CFAP77: variants seen among roughly 807,000 people sequenced by gnomAD.
CFAP77 encodes cilia and flagella associated protein 77, also known as cilia- and flagella-associated protein 77.
CFAP77 carries 25 observed loss-of-function variants against 31.1 expected under a neutral mutation model. That is an observed-to-expected ratio of 0.80 (90% CI 0.59 to 1.12). The LOEUF (loss-of-function observed/expected upper bound fraction) is 1.12. CFAP77 is among the 50% of genes most tolerant of loss of function. The probability of loss-of-function intolerance (pLI) is 0.00; values close to 1 mark genes in which losing one functional copy is unlikely to be tolerated. For synonymous variants in CFAP77, 151 were observed against 159.9 expected (o/e 0.94, Z 0.42); for missense variants, 377 against 397.3 (o/e 0.95, Z 0.44).
chr9:132,495,233 A>G lies in CFAP77; in HGVS notation c.196-3462A>G, dbSNP rs960054405. Among the ~76,000 whole-genome samples the G allele has an allele frequency of 4.0e-5, 6 of 151,346 alleles. No individual in the cohort carries two copies. In the East Asian group the frequency reaches 1.2e-3, roughly 29 times the overall value. Reference sequence around the variant, plus strand: ...CTTCCACATGTTTCAGCAGTTATTGATTCCCAGGCAACCACACTAAAAAGC... The same window carrying G: ...CTTCCACATGTTTCAGCAGTTATTGGTTCCCAGGCAACCACACTAAAAAGC... On this transcript the variant is annotated intron_variant, in intron 1 of 5. Transcript: ENST00000393216. The surrounding 1 kb of genome is among the most constrained non-coding windows in gnomAD (Gnocchi z 4.2).
chr9:132,432,495 C>A (rs1286787565), intron 1 of CFAP77, among the ~76,000 whole-genome samples: 1 of 151,600 alleles, frequency 6.6e-6, no homozygotes, highest in Non-Finnish European at 1.5e-5. Flanking sequence ...GCTGCATAAC[C>A]TCAGATAGCA....
chr9:132,422,025 T>TTTTTTTTTTA (rs1850224796), intron 1 of CFAP77, among the ~76,000 whole-genome samples: 1 of 152,068 alleles, frequency 6.6e-6, no homozygotes, highest in African/African-American at 2.4e-5. Flanking sequence ...TTTTTTTTTT[T>TTTTTTTTTTA]GAGACGGAGT....
intron 3 of CFAP77, among the ~76,000 whole-genome samples, chr9:132,526,208 T>C (rs548244455): frequency 6.6e-6 from 1 of 151,936 alleles, no homozygotes; most frequent in Non-Finnish European, 1.5e-5. Flanking sequence ...CTGGTAAGTA[T>C]GTGTTTAGTT....
Position 132,468,473 on chromosome 9 carries a change from C to T in CFAP77, c.196-30222C>T, listed in dbSNP as rs1051564923. Among the ~76,000 whole-genome samples the T allele has an allele frequency of 4.6e-5, 7 of 152,326 alleles. No individual in the cohort carries two copies. In the Middle Eastern group the frequency reaches 0.014, roughly 296 times the overall value. On this transcript the variant is annotated intron_variant, in intron 1 of 5. Coordinates refer to ENST00000393216, the MANE Select transcript of CFAP77 (RefSeq NM_001282957.2). ...GGAATAGGGAACCTCCCATGCCCCA[C>T]CTGCCAGCCCCTGCCCTGGGCCCAC...
At chr9:132,488,323 T>C (rs476259) in intron 1 of CFAP77, among the ~76,000 whole-genome samples, 30,441 of 152,062 alleles carry the variant, frequency 0.2, 3,719 homozygotes, top group African/African-American at 0.34. Context: ...TGGAATAAGA[T>C]CCAGTTCAAG....
intron 1 of CFAP77, among the ~76,000 whole-genome samples, chr9:132,427,231 T>C (rs1414958786): frequency 6.6e-6 from 1 of 152,208 alleles, no homozygotes; most frequent in Non-Finnish European, 1.5e-5. Context: ...TTTTGTTTCC[T>C]GCAATGAGGT....
rs1564223140 is a variant in CFAP77 at position 132,486,045 on chromosome 9, TG to T, written c.196-12649del. ...ATATATATATATATATATATATGTA[TG>T]TATATGTATGTGTGTGTGTGTATAT... On this transcript the variant is annotated intron_variant, in intron 1 of 5. Coordinates refer to ENST00000393216, the MANE Select transcript of CFAP77 (RefSeq NM_001282957.2). 1.0e-3 allele frequency among the ~76,000 whole-genome samples: 66 copies of T among 63,268 alleles called. 8 individuals carry two copies. Among genetic ancestry groups the T allele is most frequent in the Non-Finnish European group, 1.3e-3 (53 of 39,874 alleles). 41.5% of individuals were successfully genotyped at this position (63,268 alleles called of 152,430 possible). A position where few individuals can be genotyped will look rare whatever the true frequency, so the allele number is the denominator to read the frequency against.
rs1272127566 is a variant in CFAP77, at chr9:132,495,724, G to A, written c.196-2971G>A. On this transcript the variant is annotated intron_variant, in intron 1 of 5. Coordinates refer to ENST00000393216, the MANE Select transcript of CFAP77 (RefSeq NM_001282957.2). This position sits in a 1 kb window ranked among gnomAD's most constrained non-coding sequence, Gnocchi z 4.2. ...AAAATTCAAAACCTAACTTTGGATG[G>A]GATGGCGTTAGCAGGTGGGTCTTTT... Among the ~76,000 whole-genome samples, 1 of 152,194 alleles carries A rather than the reference G, an allele frequency of 6.6e-6. No individual in the cohort carries two copies. Among genetic ancestry groups the A allele is most frequent in the Non-Finnish European group, 1.5e-5 (1 of 68,032 alleles).
intron 5 of CFAP77, among the ~76,000 whole-genome samples, chr9:132,559,442 T>G (rs1221743805): frequency 1.3e-5 from 2 of 148,424 alleles, no homozygotes; most frequent in Non-Finnish European, 3.0e-5. Context: ...AACAACATCA[T>G]GAGCCATCAC....
At chr9:132,503,889 A>C (rs1851893054) in intron 3 of CFAP77, among the ~76,000 whole-genome samples, 1 of 152,120 alleles carries the variant, frequency 6.6e-6, no homozygotes, top group Non-Finnish European at 1.5e-5. Context: ...TCTCCACTAA[A>C]AATACAAAAA....
Position 132,495,645 on chromosome 9 carries a change from G to C in CFAP77, c.196-3050G>C, listed in dbSNP as rs1851729367. On this transcript the variant is annotated intron_variant, in intron 1 of 5. Coordinates refer to ENST00000393216, the MANE Select transcript of CFAP77 (RefSeq NM_001282957.2). This position sits in a 1 kb window ranked among gnomAD's most constrained non-coding sequence, Gnocchi z 4.2. The stretch of plus-strand genomic sequence containing the variant: ...GAAAAATGATCAACTGTTGTGTAAA[G>C]AAGAGCCAATGGTCTCAAAGTAGGC... Among the ~76,000 whole-genome samples the C allele has an allele frequency of 6.6e-6, 1 of 152,196 alleles. No individual in the cohort carries two copies. Among genetic ancestry groups the C allele is most frequent in the African/African-American group, 2.4e-5 (1 of 41,454 alleles).
intron 1 of CFAP77, among the ~76,000 whole-genome samples, chr9:132,496,979 G>A (rs1384595206): frequency 2.6e-5 from 4 of 152,198 alleles, no homozygotes; most frequent in Admixed American, 1.3e-4. Context: ...GCATTCAGAC[G>A]AGGGTGAGCC....
intron 1 of CFAP77, among the ~76,000 whole-genome samples, chr9:132,459,982 T>C (rs916998734): frequency 6.6e-6 from 1 of 152,030 alleles, no homozygotes; most frequent in Non-Finnish European, 1.5e-5. Flanking sequence ...GTATACTTCT[T>C]AAAGACCTTC....
chr9:132,561,787 G>A (rs1829814896), intron 5 of CFAP77, among the ~76,000 whole-genome samples: 1 of 152,192 alleles, frequency 6.6e-6, no homozygotes, highest in African/African-American at 2.4e-5. Flanking sequence ...CAGGGCTGTG[G>A]CTGCCTGAAC....
At chr9:132,521,123 G>A (rs1852256550) in intron 3 of CFAP77, among the ~76,000 whole-genome samples, 1 of 152,060 alleles carries the variant, frequency 6.6e-6, no homozygotes, top group Admixed American at 6.6e-5. Context: ...GGCGTCTGCC[G>A]GCCTGGCCGG....
chr9:132,543,586 G>A (rs77201930), intron 5 of CFAP77, among the ~76,000 whole-genome samples: 3,250 of 152,336 alleles, frequency 0.021, 119 homozygotes, highest in African/African-American at 0.074. Context: ...GGAAGGGGTA[G>A]TTGATGCATG....
chr9:132,444,552 G>A (rs1850672421), intron 1 of CFAP77, among the ~76,000 whole-genome samples: 1 of 152,228 alleles, frequency 6.6e-6, no homozygotes, highest in Admixed American at 6.5e-5. Flanking sequence ...ATTCAAGAGA[G>A]ATGGCCATGG....
chr9:132,419,580 G>A (rs912263964), intron 1 of CFAP77, among the ~76,000 whole-genome samples: 6 of 152,172 alleles, frequency 3.9e-5, no homozygotes, highest in Admixed American at 1.3e-4. Context: ...GAATTTGGCC[G>A]TGTCACCACA....
intron 1 of CFAP77, among the ~76,000 whole-genome samples, chr9:132,492,945 G>A (rs1169258076): frequency 6.6e-6 from 1 of 152,180 alleles, no homozygotes; most frequent in Non-Finnish European, 1.5e-5. Flanking sequence ...TGGAATACAG[G>A]GGAAGGTTGC....
Sources: allele counts gnomAD v4.1 joint callset (sites outside exome capture counted in the v4.1 genomes callset), GRCh38; gene constraint gnomAD v4.1.1; non-coding constraint Gnocchi (gnomAD v3.1); transcripts MANE v1.5; gene names NCBI Gene and HGNC (gene_info 2026-07-23, HGNC 2026-07-21).